Variants in ZCCHC8 observed in about 807,000 individuals in gnomAD.
The protein encoded by ZCCHC8 is zinc finger CCHC-type containing 8.
A neutral mutation model predicts 70.6 loss-of-function variants in ZCCHC8; 27 were observed. That is an observed-to-expected ratio of 0.38 (90% CI 0.28 to 0.53). ZCCHC8 has a LOEUF of 0.53. Among genes scored for constraint, ZCCHC8 ranks in the 20% least tolerant of loss-of-function variants. The probability of loss-of-function intolerance (pLI) is 0.81; values close to 1 mark genes in which losing one functional copy is unlikely to be tolerated. For missense variants in ZCCHC8, 737 were observed against 876.9 expected (o/e 0.84, Z 2.01); for synonymous variants, 293 against 317.4 (o/e 0.92, Z 0.82).
intron 11 of ZCCHC8, among the ~76,000 whole-genome samples, chr12:122,479,530 A>T (rs1344871970): frequency 6.6e-6 from 1 of 152,214 alleles, no homozygotes; most frequent in African/African-American, 2.4e-5. Context: ...ATAATCAGGA[A>T]AAAGAGTGAT....
chr12:122,481,419 A>G (rs1957531035), intron 10 of ZCCHC8, 103 bp downstream of exon 10: 1 of 1,374,880 alleles, frequency 7.3e-7, no homozygotes, highest in Non-Finnish European at 9.9e-7. Context: ...TAGTTAGCAC[A>G]CATTAAAGAA....
Position 122,500,889 on chromosome 12 carries a change from C to G in ZCCHC8, c.-49G>C. On this transcript the variant is annotated 5_prime_UTR_variant, in exon 1 of 14. Coordinates refer to ENST00000633063, the MANE Select transcript of ZCCHC8 (RefSeq NM_017612.5). This position sits in a 1 kb window ranked among gnomAD's most constrained non-coding sequence, Gnocchi z 4.8. ...GAAGAGGCGGAGCCGGCCACCAGGG[C>G]TTGGGGAAGAAGGTTGGAAGGCGGC... The G allele has an allele frequency of 6.5e-7, 1 of 1,539,012 alleles. No individual in the cohort carries two copies. Among genetic ancestry groups the G allele is most frequent in the Non-Finnish European group, 8.8e-7 (1 of 1,139,292 alleles).
chr12:122,483,565 T>G lies in ZCCHC8; in HGVS notation c.502-2A>C. Reference sequence around the variant, plus strand: ...AAAATACAGGACACTTCCTACAACCTGCAGAAAACAAGTCAAAAAATATTG... The same window carrying G: ...AAAATACAGGACACTTCCTACAACCGGCAGAAAACAAGTCAAAAAATATTG... On this transcript the variant is annotated splice_acceptor_variant, in intron 5 of 13. Transcript: ENST00000633063. LOFTEE classifies it high-confidence loss of function. The surrounding 1 kb of genome is among the most constrained non-coding windows in gnomAD (Gnocchi z 4.4). 1 of 1,567,344 alleles carries G rather than the reference T, an allele frequency of 6.4e-7. No homozygotes were observed.
In ZCCHC8 at chr12:122,473,263, T is replaced by C; in HGVS notation, c.*234A>G. 1 of 505,418 alleles carries C rather than the reference T, an allele frequency of 2.0e-6. No homozygotes were observed. The highest frequency in any genetic ancestry group is 1.9e-5 in the African/African-American group (1 of 52,662). The allele number at this position is 505,418 out of a possible 1,614,324, so 31.3% of individuals were successfully genotyped here. A position where few individuals can be genotyped will look rare whatever the true frequency, so the allele number is the denominator to read the frequency against. On this transcript the variant is annotated 3_prime_UTR_variant, in exon 14 of 14. Transcript: ENST00000633063. Reference sequence around the variant, plus strand: ...AAATAGTATAAACCTTAACAAACCCTCTCTAAACCAGGTCATATTCACATC... The same window carrying C: ...AAATAGTATAAACCTTAACAAACCCCCTCTAAACCAGGTCATATTCACATC...
At position 122,474,397 on chromosome 12, in the gene ZCCHC8, GA is replaced by G. The variant is rs901136221; in HGVS notation, c.1346-123del. 6.6e-6 allele frequency: 6 copies of G among 914,784 alleles called. No individual in the cohort carries two copies. In the Admixed American group the frequency reaches 1.8e-4, roughly 28 times the overall value. The allele number at this position is 914,784 out of a possible 1,614,324, so 56.7% of individuals were successfully genotyped here. On this transcript the variant is annotated intron_variant, in intron 13 of 13. Coordinates refer to ENST00000633063, the MANE Select transcript of ZCCHC8 (RefSeq NM_017612.5). ...TGGCCAAAAATAACTGGCTTAACAT[GA>G]GGGAAATTCTGGATTCTCAGGTGCC...
At chr12:122,475,242 T>A (rs1420211390) in intron 13 of ZCCHC8, among the ~76,000 whole-genome samples, 2 of 147,408 alleles carry the variant, frequency 1.4e-5, no homozygotes, top group Non-Finnish European at 3.0e-5. Flanking sequence ...ATGGGGTTTC[T>A]CCATGTTGGC....
At chr12:122,496,585 T>G (rs1566306743) in intron 2 of ZCCHC8, among the ~76,000 whole-genome samples, 1 of 152,220 alleles carries the variant, frequency 6.6e-6, no homozygotes, top group Non-Finnish European at 1.5e-5. Context: ...ATATATTGAA[T>G]ACCTAATCAA....
At chr12:122,497,413 G>A (rs903631825) in intron 2 of ZCCHC8, among the ~76,000 whole-genome samples, 1 of 151,910 alleles carries the variant, frequency 6.6e-6, no homozygotes, top group Non-Finnish European at 1.5e-5. Flanking sequence ...GTGGTAGTGG[G>A]CACCTGTAAT....
intron 2 of ZCCHC8, among the ~76,000 whole-genome samples, chr12:122,493,938 C>A (rs1333379880): frequency 1.3e-5 from 2 of 152,032 alleles, no homozygotes; most frequent in East Asian, 3.9e-4. Flanking sequence ...CTAAAGGAAT[C>A]TAAATGAATT....
rs1471159784 is a variant in ZCCHC8, at chr12:122,498,949, G to A, written c.200-80C>T. On this transcript the variant is annotated intron_variant, in intron 1 of 13. Transcript: ENST00000633063. Reference sequence around the variant, plus strand: ...TCAACTACTACTTCTCTCACTTTTGGTGTCAGAATATTATAAAGACAAAAG... The same window carrying A: ...TCAACTACTACTTCTCTCACTTTTGATGTCAGAATATTATAAAGACAAAAG... 5 of 1,290,998 alleles carry A rather than the reference G, an allele frequency of 3.9e-6. No individual in the cohort carries two copies. The African/African-American group carries it at 7.3e-5, about 19-fold the overall frequency. 80.0% of individuals were successfully genotyped at this position (1,290,998 alleles called of 1,614,324 possible).
At position 122,489,428 on chromosome 12, in the gene ZCCHC8, C is replaced by T. The variant is rs1355005864; in HGVS notation, c.459G>A (p.Val153=). 6.2e-7 allele frequency: 1 copy of T among 1,613,832 alleles called. No homozygotes were observed. Among genetic ancestry groups the T allele is most frequent in the South Asian group, 1.1e-5 (1 of 91,066 alleles). The change falls in exon 5 of 14, where the codon GTG becomes GTA. Residue 153 remains valine (V), a synonymous_variant. Coordinates refer to ENST00000633063, the MANE Select transcript of ZCCHC8 (RefSeq NM_017612.5). The stretch of plus-strand genomic sequence containing the variant: ...TGTTTTTAATGGCACAGGACTCTTC[C>T]ACTTTGTGGTCCTCCTCTAGCACAA... ...SSIVLEEDHK[V]EESCAIKNNK...
At position 122,500,458 on chromosome 12, in the gene ZCCHC8, AG is replaced by A; in HGVS notation, c.199+183del. Reference sequence around the variant, plus strand: ...GAGGGGAAGAGGTCTGCGCCGAGGCAGCCTGCGCGCCCCGAACCCTAGACTC... The same window carrying A: ...GAGGGGAAGAGGTCTGCGCCGAGGCACCTGCGCGCCCCGAACCCTAGACTC... On this transcript the variant is annotated intron_variant, in intron 1 of 13. Coordinates refer to ENST00000633063, the MANE Select transcript of ZCCHC8 (RefSeq NM_017612.5). The surrounding 1 kb of genome is among the most constrained non-coding windows in gnomAD (Gnocchi z 4.8). 1.3e-6 allele frequency: 1 copy of A among 774,646 alleles called. No homozygotes were observed. The highest frequency in any genetic ancestry group is 2.0e-6 in the Non-Finnish European group (1 of 500,448). 48.0% of individuals were successfully genotyped at this position (774,646 alleles called of 1,614,324 possible).
intron 13 of ZCCHC8, among the ~76,000 whole-genome samples, chr12:122,476,004 T>C (rs539528586): frequency 6.6e-6 from 1 of 152,220 alleles, no homozygotes; most frequent in Non-Finnish European, 1.5e-5. Flanking sequence ...TCCCTCAAGA[T>C]GCAGTTCAAA....
rs1458770820 is a variant in ZCCHC8 at position 122,472,752 on chromosome 12, A to C, written c.*745T>G. The C allele has an allele frequency of 1.3e-5, 2 of 152,218 alleles. No individual in the cohort carries two copies. Among genetic ancestry groups the C allele is most frequent in the East Asian group, 3.9e-4 (2 of 5,142 alleles). 9.4% of individuals were successfully genotyped at this position (152,218 alleles called of 1,614,324 possible). ...GGCAGGAGAATCGCTTAAACTCGGG[A>C]GGCGGAGGTTGCGGTGAGCCGAGAT... On this transcript the variant is annotated 3_prime_UTR_variant, in exon 14 of 14. Coordinates refer to ENST00000633063, the MANE Select transcript of ZCCHC8 (RefSeq NM_017612.5).
rs760031265 is a variant in ZCCHC8, at chr12:122,480,266, T to C, written c.1064A>G (p.Lys355Arg). 2.5e-6 allele frequency: 4 copies of C among 1,608,854 alleles called. No homozygotes were observed. The African/African-American group carries it at 5.3e-5, about 21-fold the overall frequency. Residue 355 changes from lysine to arginine, a missense_variant, in exon 11 of 14, where the codon AAA becomes AGA. By Grantham distance (26) the Lys-to-Arg change is conservative. Coordinates refer to ENST00000633063, the MANE Select transcript of ZCCHC8 (RefSeq NM_017612.5). The part of the protein sequence containing the change: ...ETEVGEIQQN[K>R]SVTYDLSKLV... ...TTTTGAGAGATCGTAAGTGACACTT[T>C]TATTCTGTTGTATTTCTCCAACTTC...
In ZCCHC8 at chr12:122,476,750, C is replaced by G. The variant is rs555850343; in HGVS notation, c.1345+1091G>C. Among the ~76,000 whole-genome samples the G allele has an allele frequency of 2.0e-5, 3 of 152,238 alleles. No homozygotes were observed. In the East Asian group the frequency reaches 5.8e-4, roughly 29 times the overall value. ...AAAAATGACAACCATGGGCCAGGCA[C>G]GGTGGCTCACACCTATAATCCCAGC... On this transcript the variant is annotated intron_variant, in intron 13 of 13. Transcript: ENST00000633063.
At position 122,483,305 on chromosome 12, in the gene ZCCHC8, C is replaced by A; in HGVS notation, c.645G>T (p.Gly215=). 1 of 1,599,756 alleles carries A rather than the reference C, an allele frequency of 6.3e-7. No individual in the cohort carries two copies. The highest frequency in any genetic ancestry group is 1.7e-5 in the Admixed American group (1 of 58,298). Residue 215 remains glycine, a synonymous_variant, in exon 7 of 14, where the codon GGG becomes GGT. Coordinates refer to ENST00000633063, the MANE Select transcript of ZCCHC8 (RefSeq NM_017612.5). The surrounding 1 kb of genome is among the most constrained non-coding windows in gnomAD (Gnocchi z 4.4). ...TTTTTGCCTTTACTTGTATTTCTTG[C>A]CCTTCTAGAGAAACAATGTGGCTGA... The part of the protein sequence containing the change: ...QVFSHIVSLE[G]QEIQVKAKRP...
intron 8 of ZCCHC8, chr12:122,482,293 CAA>C (rs1378767620): frequency 5.7e-5 from 28 of 487,648 alleles, no homozygotes; most frequent in Non-Finnish European, 9.5e-5. Context: ...TAAATTAAAT[CAA>C]GTTTTTAGGA....
chr12:122,482,626 A>G lies in ZCCHC8; in HGVS notation c.732+9T>C. The G allele has an allele frequency of 1.3e-6, 2 of 1,598,930 alleles. No homozygotes were observed. Among genetic ancestry groups the G allele is most frequent in the Non-Finnish European group, 1.7e-6 (2 of 1,171,504 alleles). On this transcript the variant is annotated intron_variant, in intron 8 of 13. Coordinates refer to ENST00000633063, the MANE Select transcript of ZCCHC8 (RefSeq NM_017612.5). ...TTCAAAGACTTTTCTTAACATGAGA[A>G]AAATTTACCATTGGGCAATCTTTCA...
Sources: gnomAD v4.1 joint callset for allele counts (sites outside exome capture counted in the v4.1 genomes callset) on GRCh38, gnomAD v4.1.1 for gene constraint, Gnocchi (gnomAD v3.1) non-coding constraint, MANE v1.5 for transcripts, NCBI Gene and HGNC (gene_info 2026-07-23, HGNC 2026-07-21) for gene names.